LRRC7: variants seen among roughly 807,000 people sequenced by gnomAD.
LRRC7 encodes the protein leucine rich repeat containing 7.
A neutral mutation model predicts 175.7 loss-of-function variants in LRRC7; 23 were observed. The ratio of observed to expected loss-of-function variants is 0.13; its 90% CI spans 0.09 to 0.19. The LOEUF (loss-of-function observed/expected upper bound fraction) is 0.19. LRRC7 is among the 10% of genes least tolerant of loss of function. The probability of loss-of-function intolerance (pLI) is 1.00; values close to 1 mark genes in which losing one functional copy is unlikely to be tolerated. For synonymous variants in LRRC7, 685 were observed against 680.9 expected, an observed-to-expected ratio of 1.01 and a Z score of -0.09; for missense variants, 1,354 against 1,904.7, an observed-to-expected ratio of 0.71 and a Z score of 5.38.
chr1:69,980,308 T>G, intron 8 of LRRC7, 71 bp from the exon 9 acceptor site: 1 of 1,240,254 alleles, frequency 8.1e-7, no homozygotes, highest in South Asian at 1.2e-5. Flanking sequence ...AAATTACATC[T>G]TATGTTTGTG....
At chr1:69,823,135 G>T (rs1008051424) in intron 4 of LRRC7, among the ~76,000 whole-genome samples, 23 of 151,936 alleles carry the variant, frequency 1.5e-4, no homozygotes, top group African/African-American at 5.1e-4. Flanking sequence ...CTTAATCCTC[G>T]ATATTCCTTG....
intron 3 of LRRC7, among the ~76,000 whole-genome samples, chr1:69,766,490 A>G (rs1011995632): frequency 4.6e-5 from 7 of 152,192 alleles, no homozygotes; most frequent in Non-Finnish European, 5.9e-5. Flanking sequence ...AGAGTGCCAT[A>G]AAACACTCAG....
At chr1:69,769,994 G>T (rs996839386) in intron 3 of LRRC7, among the ~76,000 whole-genome samples, 11 of 152,034 alleles carry the variant, frequency 7.2e-5, no homozygotes, top group African/African-American at 2.7e-4. Flanking sequence ...AACTTTACAT[G>T]GAAAAAGGAC....
At chr1:70,027,017 G>A (rs1658183413) in intron 17 of LRRC7, among the ~76,000 whole-genome samples, 1 of 151,976 alleles carries the variant, frequency 6.6e-6, no homozygotes, top group East Asian at 1.9e-4. Flanking sequence ...GTGGGGGTGG[G>A]TGCGGATGTG....
intron 24 of LRRC7, among the ~76,000 whole-genome samples, chr1:70,080,837 A>G (rs1663153468): frequency 6.6e-6 from 1 of 152,224 alleles, no homozygotes; most frequent in African/African-American, 2.4e-5. Context: ...AGTGAACTGA[A>G]TAAAACAGCC....
chr1:69,737,589 A>G, intron 2 of LRRC7, among the ~76,000 whole-genome samples: 1 of 152,104 alleles, frequency 6.6e-6, no homozygotes, highest in Non-Finnish European at 1.5e-5. Flanking sequence ...CTGCAGAGTG[A>G]CATCAGGTAG....
intron 19 of LRRC7, 81 bp from the exon 20 acceptor site, chr1:70,036,363 A>G (rs1659312720): frequency 6.9e-7 from 1 of 1,444,710 alleles, no homozygotes. Context: ...CTTAATCGGT[A>G]TGGTTTCCAT....
chr1:69,990,892 G>A (rs1249487062), intron 10 of LRRC7, among the ~76,000 whole-genome samples: 2 of 152,142 alleles, frequency 1.3e-5, no homozygotes, highest in Admixed American at 1.3e-4. Flanking sequence ...CTATATTGTG[G>A]TTATGAGACA....
chr1:69,578,796 G>A (rs1646067926), intron 1 of LRRC7, among the ~76,000 whole-genome samples: 2 of 105,240 alleles, frequency 1.9e-5, no homozygotes, highest in South Asian at 8.2e-4. Context: ...CTGTTGTGGG[G>A]TGGGGGGAGG....
intron 1 of LRRC7, among the ~76,000 whole-genome samples, chr1:69,667,979 GTTTTT>G (rs760714065): frequency 6.7e-6 from 1 of 150,032 alleles, no homozygotes; most frequent in African/African-American, 2.4e-5. Flanking sequence ...CCCATTGTAT[GTTTTT>G]TTTTATTTGA....
At chr1:69,734,583 T>C (rs1270593279) in intron 2 of LRRC7, among the ~76,000 whole-genome samples, 3 of 152,012 alleles carry the variant, frequency 2.0e-5, no homozygotes, top group African/African-American at 4.8e-5. Context: ...CACTTCTCTA[T>C]GGCTAAATTT....
In LRRC7 at chr1:69,935,428, A is replaced by G. The variant is rs146728141; in HGVS notation, c.711+3858A>G. ...GGAATTATAATGTGCATTCTATTTTATTTTAAAGCATGGTTATCAAATTCG... is the reference window on the plus strand; with the variant it reads ...GGAATTATAATGTGCATTCTATTTTGTTTTAAAGCATGGTTATCAAATTCG... On this transcript the variant is annotated intron_variant, in intron 8 of 26. Coordinates refer to ENST00000651989, the MANE Select transcript of LRRC7 (RefSeq NM_001370785.2). Among the ~76,000 whole-genome samples the G allele has an allele frequency of 3.3e-3, 497 of 152,284 alleles. 1 individual carries two copies. The highest frequency in any genetic ancestry group is 0.011 in the African/African-American group (448 of 41,564).
At chr1:69,579,259 A>G (rs1646095772) in intron 1 of LRRC7, among the ~76,000 whole-genome samples, 1 of 152,168 alleles carries the variant, frequency 6.6e-6, no homozygotes, top group African/African-American at 2.4e-5. Flanking sequence ...GAGTCAAGTT[A>G]GAAATTTACC....
chr1:69,825,817 C>A lies in LRRC7; in HGVS notation c.491C>A (p.Pro164His). 6.3e-7 allele frequency: 1 copy of A among 1,594,714 alleles called. No individual in the cohort carries two copies. The highest frequency in any genetic ancestry group is 1.1e-5 in the South Asian group (1 of 88,626). ...ACAATTATTGAAGCCAGTGTCAATC[C>A]CATTTCTAAGTGAGTATGAGTGATT... ...CLTIIEASVNPISKLPDGFTQ... is the reference protein window; with the variant it reads ...CLTIIEASVNHISKLPDGFTQ... Residue 164 changes from proline (P) to histidine (H), a missense_variant, in exon 5 of 27, where the codon CCC (proline) becomes CAC (histidine). Pro to His is a moderately conservative substitution (Grantham distance 77, BLOSUM62 -2). Coordinates refer to ENST00000651989, the MANE Select transcript of LRRC7 (RefSeq NM_001370785.2).
chr1:70,059,011 T>G (rs540986372), intron 23 of LRRC7, among the ~76,000 whole-genome samples: 2 of 152,162 alleles, frequency 1.3e-5, no homozygotes, highest in Non-Finnish European at 2.9e-5. Flanking sequence ...CAGAAAAACA[T>G]TGCAGCCAAA....
chr1:69,861,508 C>A lies in LRRC7; in HGVS notation c.647+23225C>A, dbSNP rs1375913641. Among the ~76,000 whole-genome samples the A allele has an allele frequency of 3.3e-5, 5 of 152,134 alleles. No individual in the cohort carries two copies. In the East Asian group the frequency reaches 9.6e-4, roughly 29 times the overall value. On this transcript the variant is annotated intron_variant, in intron 7 of 26. Transcript: ENST00000651989. The stretch of plus-strand genomic sequence containing the variant: ...GATTCAATCTACATTTTGAGTCCTG[C>A]TGAACATGACAAGCAATTTAACAAG...
intron 2 of LRRC7, among the ~76,000 whole-genome samples, chr1:69,707,952 G>A (rs1430924471): frequency 6.6e-6 from 1 of 152,148 alleles, no homozygotes; most frequent in Admixed American, 6.6e-5. Flanking sequence ...GGTGGTATAA[G>A]AGAGTACTCA....
intron 7 of LRRC7, among the ~76,000 whole-genome samples, chr1:69,910,059 G>A (rs962237977): frequency 2.1e-4 from 32 of 151,992 alleles, no homozygotes; most frequent in Middle Eastern, 3.4e-3. Flanking sequence ...CCAGTTGATC[G>A]CATCGGCTCC....
chr1:69,933,314 CT>C (rs1161276287), intron 8 of LRRC7, among the ~76,000 whole-genome samples: 1 of 152,252 alleles, frequency 6.6e-6, no homozygotes, highest in East Asian at 1.9e-4. Flanking sequence ...GCAAGAGTAC[CT>C]CATAAATACA....
Sources: gnomAD v4.1 joint callset for allele counts (sites outside exome capture counted in the v4.1 genomes callset) on GRCh38, gnomAD v4.1.1 for gene constraint, MANE v1.5 for transcripts, NCBI Gene and HGNC (gene_info 2026-07-23, HGNC 2026-07-21) for gene names.